Variants in DACH2 observed in about 807,000 individuals in gnomAD.
DACH2 encodes dachshund family transcription factor 2.
A neutral mutation model predicts 35.8 loss-of-function variants in DACH2; 17 were observed. The ratio of observed to expected loss-of-function variants is 0.48; its 90% CI spans 0.33 to 0.71. DACH2 has a LOEUF of 0.71. DACH2 is among the 30% of genes least tolerant of loss of function. DACH2 has a pLI of 0.02. For missense variants in DACH2, 469 were observed against 472.7 expected, an observed-to-expected ratio of 0.99 and a Z score of 0.07; for synonymous variants, 195 against 177.3, an observed-to-expected ratio of 1.10 and a Z score of -0.79.
chrX:86,370,859 T>C (rs769386445), intron 1 of DACH2, among the ~76,000 whole-genome samples: 1 of 111,577 alleles, frequency 9.0e-6, no homozygotes, highest in Non-Finnish European at 1.9e-5. Flanking sequence ...CCACTAAAGA[T>C]ATTTAATGGG....
intron 7 of DACH2, among the ~76,000 whole-genome samples, chrX:86,786,833 G>A (rs56124438): frequency 0.2 from 22,542 of 111,307 alleles, 1,750 homozygotes; most frequent in East Asian, 0.46. Context: ...TCCCCACCCA[G>A]ATCTCATCTT....
intron 6 of DACH2, among the ~76,000 whole-genome samples, chrX:86,716,090 C>A (rs1219795040): frequency 9.0e-6 from 1 of 111,376 alleles, no homozygotes; most frequent in African/African-American, 3.3e-5. Flanking sequence ...TGGAAGCATG[C>A]TTCCTGGAAA....
intron 1 of DACH2, chrX:86,304,638 T>C (rs2034641545): frequency 1.2e-5 from 2 of 166,163 alleles, no homozygotes; most frequent in Non-Finnish European, 2.6e-5. Flanking sequence ...TCTACAGATT[T>C]CAGAAGGTCT....
At chrX:86,376,137 CTG>C (rs1225016908) in intron 1 of DACH2, among the ~76,000 whole-genome samples, 120 of 94,782 alleles carry the variant, frequency 1.3e-3, no homozygotes, top group African/African-American at 4.5e-3. Context: ...GTATGTATGA[CTG>C]TGTGTGTGTG....
intron 1 of DACH2, among the ~76,000 whole-genome samples, chrX:86,193,817 A>G (rs1440308375): frequency 9.1e-6 from 1 of 110,135 alleles, no homozygotes. Flanking sequence ...AACTAACTGC[A>G]GGTTTAATCT....
intron 1 of DACH2, among the ~76,000 whole-genome samples, chrX:86,290,976 T>C (rs2034276544): frequency 9.1e-6 from 1 of 109,306 alleles, no homozygotes; most frequent in Non-Finnish European, 1.9e-5. Context: ...CATTGGTAGC[T>C]TGATGGGGAT....
chrX:86,205,691 G>A (rs2032291815), intron 1 of DACH2, among the ~76,000 whole-genome samples: 1 of 106,171 alleles, frequency 9.4e-6, no homozygotes, highest in African/African-American at 3.4e-5. Flanking sequence ...CTCCCTAGTA[G>A]CTGGGACTAC....
chrX:86,816,005 A>G (rs373099363), intron 10 of DACH2, 29 bp from the exon 11 acceptor site: 48 of 1,115,328 alleles, frequency 4.3e-5, no homozygotes, highest in Non-Finnish European at 5.7e-5. Context: ...ACCTAATTGT[A>G]TATTAATCTT....
At chrX:86,152,911 C>A (rs1368342841) in intron 1 of DACH2, among the ~76,000 whole-genome samples, 1 of 111,581 alleles carries the variant, frequency 9.0e-6, no homozygotes, top group Non-Finnish European at 1.9e-5. Flanking sequence ...TAAATGTTGA[C>A]AATTTTCACT....
At chrX:86,799,572 A>C (rs1002730445) in intron 7 of DACH2, among the ~76,000 whole-genome samples, 4 of 111,553 alleles carry the variant, frequency 3.6e-5, no homozygotes, top group African/African-American at 1.3e-4. Context: ...GATTCAGACT[A>C]CTCAGGTAGC....
At chrX:86,785,994 A>C (rs1232655496) in intron 7 of DACH2, among the ~76,000 whole-genome samples, 1 of 111,384 alleles carries the variant, frequency 9.0e-6, no homozygotes, top group Non-Finnish European at 1.9e-5. Flanking sequence ...GAAACTCTCT[A>C]TAGGAATATA....
chrX:86,369,786 T>C (rs141012696), intron 1 of DACH2, among the ~76,000 whole-genome samples: 1 of 111,642 alleles, frequency 9.0e-6, no homozygotes, highest in African/African-American at 3.2e-5. Context: ...CATCAATAAG[T>C]TTGGACTTAT....
chrX:86,295,927 A>C (rs1265537937), intron 1 of DACH2, among the ~76,000 whole-genome samples: 11 of 109,063 alleles, frequency 1.0e-4, no homozygotes, highest in African/African-American at 3.7e-4. Context: ...TTATGAAGGG[A>C]TGTGTGTGTG....
intron 3 of DACH2, among the ~76,000 whole-genome samples, chrX:86,647,027 A>T (rs1398471871): frequency 9.1e-6 from 1 of 109,870 alleles, no homozygotes; most frequent in Non-Finnish European, 1.9e-5. Context: ...ATATATAAGA[A>T]ATATTGGTGA....
intron 1 of DACH2, among the ~76,000 whole-genome samples, chrX:86,241,331 G>T (rs767897064): frequency 3.4e-4 from 38 of 112,003 alleles, no homozygotes; most frequent in Non-Finnish European, 6.9e-4. Context: ...GTAGCAAAGG[G>T]ACTGGTGCCA....
chrX:86,374,011 CTTAAA>C (rs956079093), intron 1 of DACH2, among the ~76,000 whole-genome samples: 2 of 110,998 alleles, frequency 1.8e-5, no homozygotes, highest in African/African-American at 6.5e-5. Context: ...GACCTAAATA[CTTAAA>C]TTAAATGAGC....
chrX:86,340,818 G>A (rs759322143), intron 1 of DACH2, among the ~76,000 whole-genome samples: 1 of 112,233 alleles, frequency 8.9e-6, no homozygotes, highest in African/African-American at 3.2e-5. Flanking sequence ...GAAAGTTTGA[G>A]TGGTCTGGCT....
intron 3 of DACH2, among the ~76,000 whole-genome samples, chrX:86,596,578 G>T (rs1256483587): frequency 3.6e-5 from 4 of 110,180 alleles, no homozygotes; most frequent in African/African-American, 1.3e-4. Flanking sequence ...TTAATTTTTT[G>T]TCTTTTTTTA....
chrX:86,552,656 A>T (rs148367574), intron 3 of DACH2, among the ~76,000 whole-genome samples: 1 of 112,386 alleles, frequency 8.9e-6, no homozygotes, highest in African/African-American at 3.2e-5. Context: ...AGTCAAGTGT[A>T]CTATAATTTT....
Sources: allele counts gnomAD v4.1 joint callset (sites outside exome capture counted in the v4.1 genomes callset), GRCh38; gene constraint gnomAD v4.1.1; transcripts MANE v1.5; gene names NCBI Gene and HGNC (gene_info 2026-07-23, HGNC 2026-07-21).